The following HSD3B2 variants were observed in gnomAD, a reference collection of about 807,000 sequenced individuals.
The protein encoded by HSD3B2 is 3 beta-hydroxysteroid dehydrogenase/Delta 5-->4-isomerase type 2.
In HSD3B2, 8 loss-of-function variants were observed where a neutral mutation model predicts 9.9. The observed-to-expected ratio is 0.81, with a 90% CI of 0.47 to 1.46. The LOEUF (loss-of-function observed/expected upper bound fraction) is 1.46, where lower values mean the gene tolerates loss of function less well. Ranked by LOEUF, HSD3B2 falls within the 40% of genes most tolerant of loss-of-function variation. HSD3B2 has a pLI of 0.00. For synonymous variants in HSD3B2, 221 were observed against 184.5 expected, an observed-to-expected ratio of 1.20 and a Z score of -1.60; for missense variants, 410 against 448.3, an observed-to-expected ratio of 0.91 and a Z score of 0.77.
At chr1:119,414,947 C>G (rs1459436743), upstream of HSD3B2, 1 of 203,140 alleles carries the variant, frequency 4.9e-6, no homozygotes, top group Non-Finnish European at 1.0e-5. Context: ...AAAGCCAAGA[C>G]TCTTTATCAC....
At chr1:119,419,717 A>G in intron 3 of HSD3B2, 135 bp downstream of exon 3, 1 of 856,916 alleles carries the variant, frequency 1.2e-6, no homozygotes, top group Non-Finnish European at 1.9e-6. Flanking sequence ...ATCACTACTG[A>G]CTGGGGAGTT....
In HSD3B2 at chr1:119,421,048, G is replaced by A. The variant is rs372343546; in HGVS notation, c.308-761G>A. On this transcript the variant is annotated intron_variant, in intron 3 of 3. Transcript: ENST00000369416. ...TCTCCCCACAACCCACTGTTTGCTC[G>A]ATGACTCCAGGGATGGTCTTTGTGA... is the stretch of plus-strand genomic sequence containing the variant. 9.2e-5 allele frequency among the ~76,000 whole-genome samples: 14 copies of A among 152,262 alleles called. No individual in the cohort carries two copies. The East Asian group carries it at 1.7e-3, about 19-fold the overall frequency.
chr1:119,416,763 T>C (rs1371912008), intron 2 of HSD3B2, among the ~76,000 whole-genome samples: 1 of 152,214 alleles, frequency 6.6e-6, no homozygotes, highest in Admixed American at 6.5e-5. Flanking sequence ...TCTTTAAATG[T>C]CCAATTTCCT....
chr1:119,418,258 G>C (rs926700777), intron 2 of HSD3B2, among the ~76,000 whole-genome samples: 1 of 152,168 alleles, frequency 6.6e-6, no homozygotes, highest in African/African-American at 2.4e-5. Context: ...TCTGATAAAA[G>C]TTTCTCAATG....
chr1:119,421,465 G>GTATATATATATATTTTATAA (rs1491180824), intron 3 of HSD3B2, among the ~76,000 whole-genome samples: 1 of 4,926 alleles, frequency 2.0e-4, no homozygotes, highest in African/African-American at 8.2e-4. Context: ...ATATATATAT[G>GTATATATATATATTTTATAA]TATATATATA....
chr1:119,422,599 C>A lies in HSD3B2; in HGVS notation c.1098C>A (p.Thr366=). Residue 366 remains threonine, a synonymous_variant, in exon 4 of 4, where the codon ACC becomes ACA. Coordinates refer to ENST00000369416, the MANE Select transcript of HSD3B2 (RefSeq NM_000198.4). ...VGSLVDRHKE[T]LKSKTQ is the part of the protein sequence containing the mutation. ...CCCTTGTGGACCGGCACAAGGAGAC[C>A]CTGAAGTCCAAGACTCAGTGATTTA... The A allele has an allele frequency of 6.2e-7, 1 of 1,613,954 alleles. No individual in the cohort carries two copies. The highest frequency in any genetic ancestry group is 8.5e-7 in the Non-Finnish European group (1 of 1,179,974).
rs960475877 is a variant in HSD3B2 at position 119,422,908 on chromosome 1, T to C, written c.*288T>C. Reference sequence around the variant, plus strand: ...AATTGTGGTCTCTCTTAACTTGAGGTTCTCTTTTGACTAATAGAGCTCCAT... The same window carrying C: ...AATTGTGGTCTCTCTTAACTTGAGGCTCTCTTTTGACTAATAGAGCTCCAT... On this transcript the variant is annotated 3_prime_UTR_variant, in exon 4 of 4. Coordinates refer to ENST00000369416, the MANE Select transcript of HSD3B2 (RefSeq NM_000198.4). The C allele has an allele frequency of 5.7e-6, 3 of 523,400 alleles. No individual in the cohort carries two copies. The highest frequency in any genetic ancestry group is 5.7e-5 in the African/African-American group (3 of 52,612). The allele number at this position is 523,400 out of a possible 1,614,324, so 32.4% of individuals were successfully genotyped here.
chr1:119,420,280 G>C (rs1160598692), intron 3 of HSD3B2, among the ~76,000 whole-genome samples: 1 of 152,124 alleles, frequency 6.6e-6, no homozygotes, highest in Non-Finnish European at 1.5e-5. Flanking sequence ...TTGCCATGCA[G>C]TCTCACCCTC....
Position 119,415,373 on chromosome 1 carries a change from T to A in HSD3B2, c.-47T>A. On this transcript the variant is annotated 5_prime_UTR_variant, in exon 2 of 4. Coordinates refer to ENST00000369416, the MANE Select transcript of HSD3B2 (RefSeq NM_000198.4). ...CTAGAATCAGATCTGCTCTCCAGCA[T>A]CTTCTGTTTCCTGGCAAGTGTTTCC... 1 of 1,608,022 alleles carries A rather than the reference T, an allele frequency of 6.2e-7. No homozygotes were observed. Among genetic ancestry groups the A allele is most frequent in the Non-Finnish European group, 8.5e-7 (1 of 1,175,310 alleles).
intron 3 of HSD3B2, chr1:119,419,986 G>T (rs587692648): frequency 1.0e-4 from 32 of 308,318 alleles, no homozygotes; most frequent in African/African-American, 6.7e-4. Context: ...TGCCACCATA[G>T]TCATCATTTT....
intron 3 of HSD3B2, chr1:119,419,813 A>T: frequency 1.9e-6 from 1 of 538,738 alleles, no homozygotes. Context: ...AAAGTAAGTA[A>T]GTAAGTAGGA....
At chr1:119,421,473 ATATGTAT>A (rs1651870068) in intron 3 of HSD3B2, among the ~76,000 whole-genome samples, 1 of 5,840 alleles carries the variant, frequency 1.7e-4, no homozygotes, top group Admixed American at 1.9e-3. Flanking sequence ...ATGTATATAT[ATATGTAT>A]ATATATATTT....
chr1:119,418,155 C>T (rs144105613), intron 2 of HSD3B2, among the ~76,000 whole-genome samples: 1,742 of 152,310 alleles, frequency 0.011, 40 homozygotes, highest in African/African-American at 0.04. Flanking sequence ...ATGGATGTTA[C>T]ATCCGCTGCC....
At chr1:119,416,177 A>AAGTGAGAGAGATCATCAGTG (rs1651703388) in intron 2 of HSD3B2, among the ~76,000 whole-genome samples, 1 of 152,092 alleles carries the variant, frequency 6.6e-6, no homozygotes, top group Non-Finnish European at 1.5e-5. Context: ...GAGAGAGTGA[A>AAGTGAGAGAGATCATCAGTG]AGTGAGAGAG....
intron 2 of HSD3B2, among the ~76,000 whole-genome samples, 190 bp from the exon 3 acceptor site, chr1:119,419,228 C>T (rs988465882): frequency 1.3e-5 from 2 of 152,204 alleles, no homozygotes; most frequent in Non-Finnish European, 2.9e-5. Context: ...TTTGCTCTTT[C>T]CCAATAAACT....
intron 3 of HSD3B2, 164 bp downstream of exon 3, chr1:119,419,746 T>A: frequency 1.4e-6 from 1 of 701,838 alleles, no homozygotes; most frequent in South Asian, 1.6e-5. Flanking sequence ...GTAACCTCAG[T>A]TTTTTAGATG....
intron 3 of HSD3B2, 51 bp downstream of exon 3, chr1:119,419,633 A>C: frequency 6.4e-7 from 1 of 1,557,280 alleles, no homozygotes; most frequent in South Asian, 1.1e-5. Context: ...TGAGGATCAG[A>C]AAGAAGGACA....
intron 3 of HSD3B2, among the ~76,000 whole-genome samples, chr1:119,421,347 T>C (rs892410635): frequency 6.8e-6 from 1 of 146,272 alleles, no homozygotes; most frequent in African/African-American, 2.5e-5. Flanking sequence ...GTGATTACCC[T>C]AGGTCCTTTT....
In HSD3B2 at chr1:119,419,500, C is replaced by G. The variant is rs773882717; in HGVS notation, c.225C>G (p.Val75=). 4.3e-5 allele frequency: 69 copies of G among 1,613,654 alleles called. No homozygotes were observed. The highest frequency in any genetic ancestry group is 5.5e-5 in the Non-Finnish European group (65 of 1,179,770). ...EPFLKRACQD[V]SVVIHTACII... is the part of the protein sequence containing the mutation. ...TCCTGAAAAGAGCCTGCCAGGACGT[C>G]TCGGTCGTCATCCACACCGCCTGTA... The change falls in exon 3 of 4, where the codon GTC becomes GTG. Residue 75 remains valine (V), a synonymous_variant. Transcript: ENST00000369416.
Sources: allele counts gnomAD v4.1 joint callset (sites outside exome capture counted in the v4.1 genomes callset), GRCh38; gene constraint gnomAD v4.1.1; transcripts MANE v1.5; gene names NCBI Gene and HGNC (gene_info 2026-07-23, HGNC 2026-07-21).